ANKRD33B: variants seen among roughly 807,000 people sequenced by gnomAD.
ANKRD33B encodes the protein ankyrin repeat domain 33B.
Under a neutral mutation model 21.5 loss-of-function variants are expected in ANKRD33B, and 6 were observed. The ratio of observed to expected loss-of-function variants is 0.28; its 90% CI spans 0.15 to 0.55. ANKRD33B has a LOEUF of 0.55. Among genes scored for constraint, ANKRD33B ranks in the 20% least tolerant of loss-of-function variants. ANKRD33B has a pLI of 0.94. For missense variants in ANKRD33B, 698 were observed against 747.2 expected (o/e 0.93, Z 0.77); for synonymous variants, 347 against 342.4 (o/e 1.01, Z -0.15).
intron 3 of ANKRD33B, among the ~76,000 whole-genome samples, chr5:10,641,459 C>A (rs1737060403): frequency 6.6e-6 from 1 of 151,946 alleles, no homozygotes; most frequent in South Asian, 2.1e-4. Flanking sequence ...GAACTCCTGA[C>A]ATCCCGTGAT....
intron 2 of ANKRD33B, among the ~76,000 whole-genome samples, chr5:10,620,331 T>C (rs1432140938): frequency 6.6e-6 from 1 of 151,908 alleles, no homozygotes; most frequent in Non-Finnish European, 1.5e-5. Flanking sequence ...TAAAAGAAGA[T>C]GAATGGGAGG....
Position 10,655,246 on chromosome 5 carries a change from C to T in ANKRD33B, c.*5133C>T, listed in dbSNP as rs2126616874. The T allele has an allele frequency of 6.6e-6, 1 of 152,442 alleles. No homozygotes were observed. The highest frequency in any genetic ancestry group is 2.1e-4 in the South Asian group (1 of 4,824). 9.4% of individuals were successfully genotyped at this position (152,442 alleles called of 1,614,324 possible). A position where few individuals can be genotyped will look rare whatever the true frequency, so the allele number is the denominator to read the frequency against. On this transcript the variant is annotated 3_prime_UTR_variant, in exon 4 of 4. Coordinates refer to ENST00000296657, the MANE Select transcript of ANKRD33B (RefSeq NM_001164440.2). ...AGGCTGTTGTGAGTGAAACAGAAGC[C>T]CCTGGCATAGGGCCAGACCCTAGGC...
In ANKRD33B at chr5:10,655,809, T is replaced by G. The variant is rs1245414261; in HGVS notation, c.*5696T>G. The G allele has an allele frequency of 1.3e-5, 2 of 152,344 alleles. No homozygotes were observed. Among genetic ancestry groups the G allele is most frequent in the Non-Finnish European group, 2.9e-5 (2 of 68,074 alleles). The allele number at this position is 152,344 out of a possible 1,614,324, so 9.4% of individuals were successfully genotyped here. A position where few individuals can be genotyped will look rare whatever the true frequency, so the allele number is the denominator to read the frequency against. ...GCACCTGGCAATCGGCGCTCCCCTT[T>G]GGAAACACCTGGGGGCCCTGTTTCT... On this transcript the variant is annotated 3_prime_UTR_variant, in exon 4 of 4. Coordinates refer to ENST00000296657, the MANE Select transcript of ANKRD33B (RefSeq NM_001164440.2).
chr5:10,609,015 A>C (rs1308046528), intron 1 of ANKRD33B, among the ~76,000 whole-genome samples: 1 of 152,198 alleles, frequency 6.6e-6, no homozygotes, highest in Non-Finnish European at 1.5e-5. Flanking sequence ...TGCCAGCTTT[A>C]GTGTCTAGGG....
At chr5:10,614,203 C>A (rs975939675) in intron 1 of ANKRD33B, among the ~76,000 whole-genome samples, 1 of 152,056 alleles carries the variant, frequency 6.6e-6, no homozygotes, top group African/African-American at 2.4e-5. Context: ...GGGAGGCCAG[C>A]CTTTTTTCTC....
chr5:10,614,789 A>T (rs1047033943), intron 1 of ANKRD33B, among the ~76,000 whole-genome samples: 8 of 152,250 alleles, frequency 5.3e-5, no homozygotes, highest in Non-Finnish European at 8.8e-5. Flanking sequence ...CGGGAGTCTG[A>T]GGCAGGAGAA....
chr5:10,576,312 G>A lies in ANKRD33B; in HGVS notation c.366+11479G>A, dbSNP rs1446173022. 6.6e-6 allele frequency among the ~76,000 whole-genome samples: 1 copy of A among 152,142 alleles called. No homozygotes were observed. The highest frequency in any genetic ancestry group is 1.5e-5 in the Non-Finnish European group (1 of 68,022). On this transcript the variant is annotated intron_variant, in intron 1 of 3. Transcript: ENST00000296657. The surrounding 1 kb of genome is among the most constrained non-coding windows in gnomAD (Gnocchi z 4.1). ...TGGAAATATTGGGCAACAGAACCTG[G>A]CTGCCTTCACTGTGGTTCATGGGCC...
intron 1 of ANKRD33B, among the ~76,000 whole-genome samples, chr5:10,603,496 C>T (rs1735976353): frequency 6.6e-6 from 1 of 152,058 alleles, no homozygotes; most frequent in African/African-American, 2.4e-5. Context: ...CTCCTGACCT[C>T]AGATGATCCA....
chr5:10,589,028 G>A (rs1274795708), intron 1 of ANKRD33B, among the ~76,000 whole-genome samples: 4 of 152,114 alleles, frequency 2.6e-5, no homozygotes, highest in South Asian at 4.1e-4. Context: ...CTGTTTTCAT[G>A]TTCTGGGTAG....
At chr5:10,638,407 C>T (rs1167561657) in intron 3 of ANKRD33B, among the ~76,000 whole-genome samples, 4 of 152,234 alleles carry the variant, frequency 2.6e-5, no homozygotes, top group African/African-American at 7.2e-5. Flanking sequence ...GTGGGTGGCA[C>T]CTTCCCTCAC....
chr5:10,593,732 C>T (rs999766952), intron 1 of ANKRD33B, among the ~76,000 whole-genome samples: 1 of 152,144 alleles, frequency 6.6e-6, no homozygotes, highest in Non-Finnish European at 1.5e-5. Flanking sequence ...CTCCCCAACC[C>T]CTCACCCTGG....
chr5:10,588,248 A>C (rs994009207), intron 1 of ANKRD33B, among the ~76,000 whole-genome samples: 26 of 152,362 alleles, frequency 1.7e-4, no homozygotes, highest in African/African-American at 6.2e-4. Context: ...CATTTAATAT[A>C]ATACGGTACT....
rs762268419 is a variant in ANKRD33B at position 10,576,682 on chromosome 5, G to A, written c.366+11849G>A. ...AAACAGAGCTGTTGTTTCTATGGGC[G>A]AATGAATCTCCAGATGGTTTTCCAG... is the stretch of plus-strand genomic sequence containing the variant. On this transcript the variant is annotated intron_variant, in intron 1 of 3. Transcript: ENST00000296657. The surrounding 1 kb of genome is among the most constrained non-coding windows in gnomAD (Gnocchi z 4.1). Among the ~76,000 whole-genome samples the A allele has an allele frequency of 6.6e-6, 1 of 152,234 alleles. No homozygotes were observed. The highest frequency in any genetic ancestry group is 1.5e-5 in the Non-Finnish European group (1 of 68,040).
At position 10,576,577 on chromosome 5, in the gene ANKRD33B, A is replaced by G. The variant is rs1735326015; in HGVS notation, c.366+11744A>G. On this transcript the variant is annotated intron_variant, in intron 1 of 3. Transcript: ENST00000296657. The surrounding 1 kb of genome is among the most constrained non-coding windows in gnomAD (Gnocchi z 4.1). The stretch of plus-strand genomic sequence containing the variant: ...AAACTGGGAGGCTTACTATGAAGAT[A>G]ATAACACCTCCTAGAGGTTCTAGGC... Among the ~76,000 whole-genome samples the G allele has an allele frequency of 1.3e-5, 2 of 152,236 alleles. No homozygotes were observed. Among genetic ancestry groups the G allele is most frequent in the South Asian group, 4.1e-4 (2 of 4,830 alleles).
intron 2 of ANKRD33B, among the ~76,000 whole-genome samples, chr5:10,636,956 AT>A (rs974381461): frequency 6.6e-6 from 1 of 152,178 alleles, no homozygotes; most frequent in Admixed American, 6.5e-5. Flanking sequence ...ACTGGCATCT[AT>A]CGGGTAGAGA....
chr5:10,564,943 A>C, intron 1 of ANKRD33B, 110 bp downstream of exon 1: 2 of 1,367,828 alleles, frequency 1.5e-6, no homozygotes, highest in East Asian at 2.6e-5. Flanking sequence ...TCCCTCGGTC[A>C]CTCAGCCGCC....
intron 2 of ANKRD33B, among the ~76,000 whole-genome samples, chr5:10,623,073 C>T (rs552673003): frequency 2.0e-5 from 3 of 152,210 alleles, no homozygotes; most frequent in Admixed American, 6.5e-5. Context: ...TTGAGTGTGG[C>T]ATGGGAGCCT....
intron 2 of ANKRD33B, among the ~76,000 whole-genome samples, chr5:10,625,840 C>G (rs10056809): frequency 0.5 from 75,848 of 152,012 alleles, 19,202 homozygotes; most frequent in East Asian, 0.67. Context: ...TCTCTGAGGA[C>G]AGCGTGTTAG....
In ANKRD33B at chr5:10,564,444, C is replaced by T; in HGVS notation, c.-24C>T. 1 of 1,093,372 alleles carries T rather than the reference C, an allele frequency of 9.1e-7. No homozygotes were observed. Among genetic ancestry groups the T allele is most frequent in the African/African-American group, 1.7e-5 (1 of 59,794 alleles). The allele number at this position is 1,093,372 out of a possible 1,614,324, so 67.7% of individuals were successfully genotyped here. On this transcript the variant is annotated 5_prime_UTR_variant, in exon 1 of 4. Transcript: ENST00000296657. ...GCTCTTCCTGCCCGCGCCCCGGCCC[C>T]CGGCCCGCGCCCCGGCCGCCGGCAT...
Sources: gnomAD v4.1 joint callset for allele counts (sites outside exome capture counted in the v4.1 genomes callset) on GRCh38, gnomAD v4.1.1 for gene constraint, Gnocchi (gnomAD v3.1) non-coding constraint, MANE v1.5 for transcripts, NCBI Gene and HGNC (gene_info 2026-07-23, HGNC 2026-07-21) for gene names.